The following PPP2R2D variants were observed in gnomAD, a reference collection of about 807,000 sequenced individuals.
PPP2R2D encodes the protein protein phosphatase 2 regulatory subunit Bdelta.
PPP2R2D carries 9 observed loss-of-function variants against 31.1 expected under a neutral mutation model. The observed-to-expected ratio is 0.29, with a 90% CI of 0.17 to 0.51. PPP2R2D has a LOEUF of 0.51. PPP2R2D is among the 20% of genes least tolerant of loss of function. The pLI, the probability that PPP2R2D is intolerant of heterozygous loss-of-function variation, is 0.98. For missense variants in PPP2R2D, 391 were observed against 465.6 expected, an observed-to-expected ratio of 0.84 and a Z score of 1.48; for synonymous variants, 179 against 172.6, an observed-to-expected ratio of 1.04 and a Z score of -0.29.
At chr10:131,921,308 T>G (rs1487759749) in intron 2 of PPP2R2D, among the ~76,000 whole-genome samples, 1 of 152,232 alleles carries the variant, frequency 6.6e-6, no homozygotes. Context: ...AGCCTCACTT[T>G]GCAGGTGCAG....
Position 131,956,344 on chromosome 10 carries a change from C to G in PPP2R2D, c.*381C>G, listed in dbSNP as rs7199. 247,162 of 988,370 alleles carry G rather than the reference C, an allele frequency of 0.25. 31,315 individuals are homozygous for G. Among genetic ancestry groups the G allele is most frequent in the East Asian group, 0.46 (4,102 of 8,954 alleles). 61.2% of individuals were successfully genotyped at this position (988,370 alleles called of 1,614,324 possible). A position where few individuals can be genotyped will look rare whatever the true frequency, so the allele number is the denominator to read the frequency against. On this transcript the variant is annotated 3_prime_UTR_variant, in exon 9 of 9. Coordinates refer to ENST00000455566, the MANE Select transcript of PPP2R2D (RefSeq NM_018461.5). ...TCTCCAACTTTCCCTCTTTCTCTGCCATCACACTTGGGCCTTCACTGCAGC... is the reference window on the plus strand; with the variant it reads ...TCTCCAACTTTCCCTCTTTCTCTGCGATCACACTTGGGCCTTCACTGCAGC...
At chr10:131,952,487 G>A (rs1221441705) in intron 8 of PPP2R2D, among the ~76,000 whole-genome samples, 2 of 88,788 alleles carry the variant, frequency 2.3e-5, no homozygotes, top group Non-Finnish European at 4.3e-5. Context: ...CTTGGTGTGC[G>A]GGGGGGTTCA....
At chr10:131,914,551 T>A (rs1554892822) in intron 2 of PPP2R2D, among the ~76,000 whole-genome samples, 1 of 152,208 alleles carries the variant, frequency 6.6e-6, no homozygotes, top group East Asian at 1.9e-4. Context: ...TTCAGAAAGA[T>A]GTGCACTGCA....
downstream of PPP2R2D, among the ~76,000 whole-genome samples, chr10:131,960,512 G>T (rs1486424186): frequency 2.6e-5 from 4 of 152,220 alleles, no homozygotes; most frequent in African/African-American, 9.6e-5. Context: ...CGACTGGCAG[G>T]TGTGGCTGGA....
chr10:131,933,818 C>G (rs1480445581), intron 2 of PPP2R2D, among the ~76,000 whole-genome samples: 1 of 152,042 alleles, frequency 6.6e-6, no homozygotes, highest in South Asian at 2.1e-4. Flanking sequence ...CCTTCTGCCC[C>G]GGGGTCTTGG....
intron 8 of PPP2R2D, among the ~76,000 whole-genome samples, chr10:131,949,489 C>G (rs1184111892): frequency 6.6e-6 from 1 of 152,154 alleles, no homozygotes; most frequent in Non-Finnish European, 1.5e-5. Flanking sequence ...TAAACATGAG[C>G]TCACAGGTGA....
chr10:131,928,644 G>A (rs913879524), intron 2 of PPP2R2D, among the ~76,000 whole-genome samples: 2 of 152,222 alleles, frequency 1.3e-5, no homozygotes, highest in East Asian at 1.9e-4. Flanking sequence ...TGAAGGCTGC[G>A]GCAACCCTCC....
chr10:131,911,684 C>T (rs1429067187), intron 2 of PPP2R2D: 1 of 152,162 alleles, frequency 6.6e-6, no homozygotes, highest in Non-Finnish European at 1.5e-5. Flanking sequence ...AGATGATGTA[C>T]AAGGATTATG....
chr10:131,947,926 TTGA>T lies in PPP2R2D; in HGVS notation c.1082+138_1082+140del. On this transcript the variant is annotated intron_variant, in intron 8 of 8. Transcript: ENST00000455566. This position sits in a 1 kb window ranked among gnomAD's most constrained non-coding sequence, Gnocchi z 4.3. ...GGGTGTTGTTTTCCAGACCTTTTGA[TTGA>T]TGGATGATAGTATCAAGGTAGAGAA... The T allele has an allele frequency of 9.3e-7, 1 of 1,073,730 alleles. No homozygotes were observed. Among genetic ancestry groups the T allele is most frequent in the Admixed American group, 2.5e-5 (1 of 40,602 alleles). The allele number at this position is 1,073,730 out of a possible 1,614,324, so 66.5% of individuals were successfully genotyped here.
chr10:131,932,929 G>A (rs1554895899), intron 2 of PPP2R2D, among the ~76,000 whole-genome samples: 4 of 152,144 alleles, frequency 2.6e-5, no homozygotes, highest in African/African-American at 9.7e-5. Context: ...AAAAGACTCA[G>A]TCCATTATAA....
Position 131,940,699 on chromosome 10 carries a change from A to G in PPP2R2D, c.477+5A>G, listed in dbSNP as rs1554897116. The G allele has an allele frequency of 1.3e-6, 1 of 770,018 alleles. No homozygotes were observed. The highest frequency in any genetic ancestry group is 1.4e-5 in the South Asian group (1 of 71,668). The allele number at this position is 770,018 out of a possible 1,614,324, so 47.7% of individuals were successfully genotyped here. ...TTTAGGATCACGGCGCTACGGGTAC[A>G]CGTTGCCTTTGCTTTATCCAATGCT... is the stretch of plus-strand genomic sequence containing the variant. On this transcript the variant is annotated splice_donor_5th_base_variant and intron_variant, in intron 5 of 8. Transcript: ENST00000455566.
At chr10:131,907,832 C>T (rs1045442817) in intron 2 of PPP2R2D, among the ~76,000 whole-genome samples, 2 of 151,918 alleles carry the variant, frequency 1.3e-5, no homozygotes, top group Non-Finnish European at 2.9e-5. Context: ...ATCGTTACAT[C>T]GTGAAGTTAA....
chr10:131,927,778 C>T (rs569076253), intron 2 of PPP2R2D, among the ~76,000 whole-genome samples: 21 of 152,256 alleles, frequency 1.4e-4, no homozygotes, highest in South Asian at 1.2e-3. Context: ...GGGTGTTACG[C>T]GATGGTCATT....
At chr10:131,951,377 A>G (rs1175504830) in intron 8 of PPP2R2D, among the ~76,000 whole-genome samples, 1 of 152,256 alleles carries the variant, frequency 6.6e-6, no homozygotes, top group Non-Finnish European at 1.5e-5. Context: ...CATAACATAT[A>G]CTGAAAAGCA....
At chr10:131,939,094 C>T (rs1383985423) in intron 3 of PPP2R2D, among the ~76,000 whole-genome samples, 1 of 150,888 alleles carries the variant, frequency 6.6e-6, no homozygotes, top group Admixed American at 6.6e-5. Context: ...ATTCAGCAGA[C>T]CTGCTCCAGA....
In PPP2R2D at chr10:131,957,264, G is replaced by T; in HGVS notation, c.*1301G>T. ...TTCCTCCTGCTGCTGTGGAGATGGA[G>T]GTGTGTGCTGATCGCCCGTCACCCT... On this transcript the variant is annotated 3_prime_UTR_variant, in exon 9 of 9. Coordinates refer to ENST00000455566, the MANE Select transcript of PPP2R2D (RefSeq NM_018461.5). 1 of 164,828 alleles carries T rather than the reference G, an allele frequency of 6.1e-6. No individual in the cohort carries two copies. The highest frequency in any genetic ancestry group is 1.3e-4 in the South Asian group (1 of 7,770). 10.2% of individuals were successfully genotyped at this position (164,828 alleles called of 1,614,324 possible).
chr10:131,916,669 T>C (rs1322079028), intron 2 of PPP2R2D, among the ~76,000 whole-genome samples: 2 of 148,872 alleles, frequency 1.3e-5, no homozygotes, highest in African/African-American at 5.0e-5. Flanking sequence ...TGACACAGTG[T>C]TTGTAGGGAC....
chr10:131,966,560 C>T, the PPP2R2D span: 1 of 152,170 alleles, frequency 6.6e-6, no homozygotes, highest in South Asian at 2.1e-4. Flanking sequence ...GCACTCCAGT[C>T]CCAGAGTTGT....
At chr10:131,911,304 C>CT (rs1465520179) in intron 2 of PPP2R2D, among the ~76,000 whole-genome samples, 1 of 152,216 alleles carries the variant, frequency 6.6e-6, no homozygotes, top group Non-Finnish European at 1.5e-5. Flanking sequence ...CCCCACACCT[C>CT]TGGTGTCCTA....
Sources: allele counts gnomAD v4.1 joint callset (sites outside exome capture counted in the v4.1 genomes callset), GRCh38; gene constraint gnomAD v4.1.1; non-coding constraint Gnocchi (gnomAD v3.1); transcripts MANE v1.5; gene names NCBI Gene and HGNC (gene_info 2026-07-23, HGNC 2026-07-21).